FTO: variants seen among roughly 807,000 people sequenced by gnomAD.
The protein encoded by FTO is FTO alpha-ketoglutarate dependent dioxygenase.
FTO carries 47 observed loss-of-function variants against 63.9 expected under a neutral mutation model. The ratio of observed to expected loss-of-function variants is 0.74; its 90% CI spans 0.58 to 0.94. The LOEUF is 0.94. Among genes scored for constraint, FTO ranks in the 40% least tolerant of loss-of-function variants. The pLI, the probability that FTO is intolerant of heterozygous loss-of-function variation, is 0.00. For missense variants in FTO, 562 were observed against 618.1 expected, an observed-to-expected ratio of 0.91 and a Z score of 0.96; for synonymous variants, 207 against 224.4, an observed-to-expected ratio of 0.92 and a Z score of 0.69.
chr16:53,891,390 G>A (rs958414540), intron 7 of FTO, among the ~76,000 whole-genome samples: 1 of 151,412 alleles, frequency 6.6e-6, no homozygotes, highest in African/African-American at 2.4e-5. Flanking sequence ...GCCCAGCATG[G>A]TGGCTAATGC....
At chr16:53,959,748 G>GAGTTAAA (rs1282330672) in intron 8 of FTO, among the ~76,000 whole-genome samples, 2 of 152,026 alleles carry the variant, frequency 1.3e-5, no homozygotes, top group African/African-American at 4.8e-5. Flanking sequence ...CCTAATTCTG[G>GAGTTAAA]AGCCTAAGCT....
intron 8 of FTO, among the ~76,000 whole-genome samples, chr16:54,019,494 ATCTAC>A: frequency 6.6e-6 from 1 of 152,204 alleles, no homozygotes; most frequent in Admixed American, 6.5e-5. Flanking sequence ...TTGTTGGCAT[ATCTAC>A]CAAGTACTGG....
At chr16:53,930,917 TG>T (rs1227155846) in intron 7 of FTO, among the ~76,000 whole-genome samples, 1 of 152,246 alleles carries the variant, frequency 6.6e-6, no homozygotes, top group Admixed American at 6.5e-5. Context: ...CATTGTTCTT[TG>T]TTTTTGTAAT....
At chr16:54,052,517 A>G (rs1224874326) in intron 8 of FTO, 2 of 152,148 alleles carry the variant, frequency 1.3e-5, no homozygotes, top group Non-Finnish European at 2.9e-5. Context: ...CAGAATGCCC[A>G]TTCCCAGGCA....
At chr16:53,869,522 G>A (rs895581302) in intron 4 of FTO, among the ~76,000 whole-genome samples, 3 of 143,834 alleles carry the variant, frequency 2.1e-5, no homozygotes, top group African/African-American at 7.8e-5. Context: ...TACACCTATT[G>A]CAGTTGTCCC....
chr16:53,823,250 G>A lies in FTO; in HGVS notation c.124-2614G>A, dbSNP rs988251194. Among the ~76,000 whole-genome samples the A allele has an allele frequency of 7.9e-5, 12 of 152,030 alleles. No homozygotes were observed. In the East Asian group the frequency reaches 1.2e-3, roughly 15 times the overall value. On this transcript the variant is annotated intron_variant, in intron 2 of 8. Transcript: ENST00000471389. ...GTCAGGTGACATAGTTGAGTACCCC[G>A]CCCTTCTAGAAATGCTCTCCTCTTT...
chr16:53,875,442 G>T (rs1159936236), intron 5 of FTO, among the ~76,000 whole-genome samples: 1 of 152,180 alleles, frequency 6.6e-6, no homozygotes, highest in East Asian at 1.9e-4. Context: ...GTTAATACAT[G>T]TAAGTCTTTT....
At chr16:53,768,414 C>T (rs908057227) in intron 1 of FTO, among the ~76,000 whole-genome samples, 3 of 152,162 alleles carry the variant, frequency 2.0e-5, no homozygotes, top group Non-Finnish European at 4.4e-5. Context: ...GATTCGGAAA[C>T]ATGACTGCTG....
intron 8 of FTO, among the ~76,000 whole-genome samples, chr16:53,972,808 G>T (rs938102151): frequency 5.3e-5 from 8 of 152,196 alleles, no homozygotes; most frequent in African/African-American, 1.4e-4. Flanking sequence ...TCACTCTTCA[G>T]TGTTTGTGGA....
At chr16:53,732,298 G>T (rs1383565073) in intron 1 of FTO, among the ~76,000 whole-genome samples, 2 of 150,432 alleles carry the variant, frequency 1.3e-5, no homozygotes, top group Non-Finnish European at 1.5e-5. Context: ...TGATCCACCT[G>T]TGTTGGCCTC....
At chr16:54,074,890 A>AAGAGGGAGAGAG (rs2085949367) in intron 8 of FTO, among the ~76,000 whole-genome samples, 1 of 133,860 alleles carries the variant, frequency 7.5e-6, no homozygotes, top group Non-Finnish European at 1.6e-5. Flanking sequence ...CAGAACTGGA[A>AAGAGGGAGAGAG]AGAGGGAGAG....
At chr16:54,097,702 C>T (rs144766072) in intron 8 of FTO, among the ~76,000 whole-genome samples, 1 of 152,300 alleles carries the variant, frequency 6.6e-6, no homozygotes, top group African/African-American at 2.4e-5. Context: ...ACAGAAATCC[C>T]TGCCTTCAGA....
At chr16:53,889,002 A>G in intron 7 of FTO, 51 bp downstream of exon 7, 1 of 1,590,740 alleles carries the variant, frequency 6.3e-7, no homozygotes. Flanking sequence ...GTGTTATACA[A>G]ATCCTCCACT....
chr16:53,953,973 A>G (rs1218596712), intron 8 of FTO, among the ~76,000 whole-genome samples: 1 of 152,238 alleles, frequency 6.6e-6, no homozygotes, highest in East Asian at 1.9e-4. Flanking sequence ...CTCCCAATGT[A>G]TATCTGTAAA....
chr16:53,819,591 G>A (rs767976764), intron 2 of FTO, among the ~76,000 whole-genome samples: 16 of 151,882 alleles, frequency 1.1e-4, no homozygotes, highest in Admixed American at 9.2e-4. Flanking sequence ...TGCCATATAG[G>A]TTGTACTTTT....
chr16:53,901,560 A>G (rs1167137756), intron 7 of FTO, among the ~76,000 whole-genome samples: 1 of 152,160 alleles, frequency 6.6e-6, no homozygotes, highest in Admixed American at 6.5e-5. Context: ...TTTCCCACAC[A>G]TACCTCTCCA....
chr16:54,062,350 G>T (rs566020810), intron 8 of FTO, among the ~76,000 whole-genome samples: 4 of 152,172 alleles, frequency 2.6e-5, no homozygotes, highest in South Asian at 4.1e-4. Flanking sequence ...TCTGAACTGG[G>T]TATTGTAGTG....
chr16:54,020,769 C>T (rs559260697), intron 8 of FTO, among the ~76,000 whole-genome samples: 5 of 151,574 alleles, frequency 3.3e-5, no homozygotes, highest in African/African-American at 1.2e-4. Context: ...GTCAGGAGTT[C>T]GAGTCCAGCC....
chr16:53,792,014 TGCAGTGAGCCGAGATTGC>T (rs1353149409), intron 1 of FTO, among the ~76,000 whole-genome samples: 1 of 151,222 alleles, frequency 6.6e-6, no homozygotes, highest in Non-Finnish European at 1.5e-5. Context: ...AGGCGGAGCT[TGCAGTGAGCCGAGATTGC>T]GCCACTGCAC....
Sources: allele counts gnomAD v4.1 joint callset (sites outside exome capture counted in the v4.1 genomes callset), GRCh38; gene constraint gnomAD v4.1.1; transcripts MANE v1.5; gene names NCBI Gene and HGNC (gene_info 2026-07-23, HGNC 2026-07-21).